TANC2: variants seen among roughly 807,000 people sequenced by gnomAD.
The protein encoded by TANC2 is protein TANC2.
In TANC2, 26 loss-of-function variants were observed where a neutral mutation model predicts 210.5. The observed-to-expected ratio is 0.12, with a 90% CI of 0.09 to 0.17. The LOEUF (loss-of-function observed/expected upper bound fraction) is 0.17, where lower values mean the gene tolerates loss of function less well. Ranked by LOEUF, TANC2 falls within the 10% of genes least tolerant of loss-of-function variation. TANC2 has a pLI of 1.00. For missense variants in TANC2, 2,129 were observed against 2,608.9 expected (o/e 0.82, Z 4.01); for synonymous variants, 931 against 967.1 (o/e 0.96, Z 0.69).
At chr17:63,217,370 C>G (rs2042051867) in intron 7 of TANC2, among the ~76,000 whole-genome samples, 1 of 152,146 alleles carries the variant, frequency 6.6e-6, no homozygotes, top group Non-Finnish European at 1.5e-5. Flanking sequence ...GACATTATTA[C>G]AGGCCCCACT....
chr17:63,156,066 ATAAT>A (rs773649214), intron 5 of TANC2, among the ~76,000 whole-genome samples: 9 of 152,274 alleles, frequency 5.9e-5, no homozygotes, highest in East Asian at 1.9e-4. Context: ...TTTATCCTAA[ATAAT>A]TAACCATGCT....
chr17:63,406,942 C>T (rs1302867560), intron 21 of TANC2, among the ~76,000 whole-genome samples: 1 of 152,196 alleles, frequency 6.6e-6, no homozygotes, highest in Non-Finnish European at 1.5e-5. Context: ...GGAGCTTGAG[C>T]ATTTACTTGA....
chr17:63,098,519 A>G (rs1338209174), intron 3 of TANC2, among the ~76,000 whole-genome samples: 5 of 136,728 alleles, frequency 3.7e-5, no homozygotes, highest in East Asian at 3.9e-4. Context: ...CTGTGTGTAT[A>G]TATATATATA....
chr17:63,127,903 C>G (rs894174817), intron 4 of TANC2, among the ~76,000 whole-genome samples: 2 of 152,186 alleles, frequency 1.3e-5, no homozygotes, highest in African/African-American at 4.8e-5. Context: ...CTTTGTGACA[C>G]CTACTGACTG....
intron 15 of TANC2, among the ~76,000 whole-genome samples, chr17:63,384,691 TTTTAC>T (rs1200267588): frequency 3.3e-5 from 5 of 152,308 alleles, no homozygotes; most frequent in South Asian, 2.1e-4. Flanking sequence ...TTAGACACAA[TTTTAC>T]TTTAATTTAA....
intron 5 of TANC2, among the ~76,000 whole-genome samples, chr17:63,181,172 GAATA>G (rs1389540514): frequency 1.3e-5 from 2 of 151,972 alleles, no homozygotes; most frequent in Non-Finnish European, 2.9e-5. Context: ...AGAGGAGGGA[GAATA>G]AATAAAGATA....
At chr17:63,026,929 CCCT>C in intron 2 of TANC2, among the ~76,000 whole-genome samples, 1 of 152,208 alleles carries the variant, frequency 6.6e-6, no homozygotes, top group African/African-American at 2.4e-5. Context: ...TTTGCTGCAT[CCCT>C]CCATGTTGGT....
At chr17:63,331,422 C>G (rs763630963) in intron 11 of TANC2, among the ~76,000 whole-genome samples, 2 of 152,152 alleles carry the variant, frequency 1.3e-5, no homozygotes, top group Non-Finnish European at 2.9e-5. Flanking sequence ...CAAATCCCAC[C>G]AACAGTATGT....
chr17:63,168,810 G>A (rs979416964), intron 5 of TANC2, among the ~76,000 whole-genome samples: 3 of 152,032 alleles, frequency 2.0e-5, no homozygotes, highest in Non-Finnish European at 2.9e-5. Flanking sequence ...GAAAATATCC[G>A]TTACTCACTT....
intron 2 of TANC2, among the ~76,000 whole-genome samples, chr17:63,015,246 T>C (rs535239281): frequency 1.9e-4 from 29 of 152,170 alleles, no homozygotes; most frequent in African/African-American, 7.0e-4. Flanking sequence ...CTGATCTGAA[T>C]TTTTCTGTGG....
At chr17:62,995,826 G>C (rs942561698) in intron 1 of TANC2, among the ~76,000 whole-genome samples, 25 of 152,182 alleles carry the variant, frequency 1.6e-4, no homozygotes, top group African/African-American at 5.8e-4. Flanking sequence ...TGGGCATAGT[G>C]GTGTGCGCCG....
At chr17:63,352,356 C>G (rs1344515925) in intron 13 of TANC2, among the ~76,000 whole-genome samples, 1 of 152,078 alleles carries the variant, frequency 6.6e-6, no homozygotes, top group Non-Finnish European at 1.5e-5. Flanking sequence ...TTACTGTCTT[C>G]CATGATGAGA....
At chr17:63,097,214 A>T (rs116684664) in intron 3 of TANC2, among the ~76,000 whole-genome samples, 1,825 of 151,742 alleles carry the variant, frequency 0.012, 33 homozygotes, top group African/African-American at 0.042. Context: ...CTAGTTTTTT[A>T]AAAAATATTT....
intron 6 of TANC2, among the ~76,000 whole-genome samples, chr17:63,194,900 A>G (rs867502642): frequency 1.3e-5 from 2 of 152,088 alleles, no homozygotes; most frequent in Non-Finnish European, 2.9e-5. Context: ...AGCAAAAAAA[A>G]GTACTAGAGT....
Position 63,418,464 on chromosome 17 carries a change from A to G in TANC2, c.4268+57A>G. 6.5e-7 allele frequency: 1 copy of G among 1,538,058 alleles called. No individual in the cohort carries two copies. Among genetic ancestry groups the G allele is most frequent in the East Asian group, 2.4e-5 (1 of 42,056 alleles). On this transcript the variant is annotated intron_variant, in intron 27 of 27. Transcript: ENST00000689528. The surrounding 1 kb of genome is among the most constrained non-coding windows in gnomAD (Gnocchi z 4.6). ...GGTCTCTTTTCTGAAAATTTGGCCA[A>G]GGCAGCGTCGGCCACCCTGGGGCAT...
At chr17:63,074,069 T>A in intron 3 of TANC2, 55 bp downstream of exon 3, 1 of 1,408,162 alleles carries the variant, frequency 7.1e-7, no homozygotes, top group Non-Finnish European at 9.7e-7. Context: ...TAGATATTTC[T>A]TTCTAGTACT....
chr17:63,007,090 G>A (rs1051364604), intron 1 of TANC2, among the ~76,000 whole-genome samples: 2 of 151,960 alleles, frequency 1.3e-5, no homozygotes, highest in East Asian at 1.9e-4. Flanking sequence ...TTAGTGGTGT[G>A]TGGGAGCTCA....
intron 9 of TANC2, among the ~76,000 whole-genome samples, chr17:63,298,166 A>G (rs1029236053): frequency 6.6e-6 from 1 of 152,216 alleles, no homozygotes; most frequent in African/African-American, 2.4e-5. Flanking sequence ...ATAGTTAAAC[A>G]TAGAATTGCT....
chr17:63,132,815 C>T (rs1004658944), intron 4 of TANC2, among the ~76,000 whole-genome samples: 1 of 152,120 alleles, frequency 6.6e-6, no homozygotes, highest in African/African-American at 2.4e-5. Flanking sequence ...AGCAACAAGC[C>T]GGAAAGCTAC....
Sources: allele counts gnomAD v4.1 joint callset (sites outside exome capture counted in the v4.1 genomes callset), GRCh38; gene constraint gnomAD v4.1.1; non-coding constraint Gnocchi (gnomAD v3.1); transcripts MANE v1.5; gene names NCBI Gene and HGNC (gene_info 2026-07-23, HGNC 2026-07-21).